ACAN: variants seen among roughly 807,000 people sequenced by gnomAD.
The protein encoded by ACAN is aggrecan core protein.
ACAN carries 47 observed loss-of-function variants against 169.1 expected under a neutral mutation model. The observed-to-expected ratio is 0.28, with a 90% CI of 0.22 to 0.35. The LOEUF (loss-of-function observed/expected upper bound fraction) is 0.35, where lower values mean the gene tolerates loss of function less well. Among genes scored for constraint, ACAN ranks in the 10% least tolerant of loss-of-function variants. The pLI is 1.00. For synonymous variants in ACAN, 1,115 were observed against 1,112.2 expected, an observed-to-expected ratio of 1.00 and a Z score of -0.05; for missense variants, 2,716 against 2,759.9, an observed-to-expected ratio of 0.98 and a Z score of 0.36.
chr15:88,837,094 C>T (rs1210020622), intron 2 of ACAN, among the ~76,000 whole-genome samples: 1 of 152,234 alleles, frequency 6.6e-6, no homozygotes, highest in East Asian at 1.9e-4. Flanking sequence ...CCAGGGCCTG[C>T]ATGGGTCCAT....
Position 88,870,172 on chromosome 15 carries a change from C to T in ACAN, c.7061-1210C>T, listed in dbSNP as rs1897348569. On this transcript the variant is annotated intron_variant, in intron 14 of 18. Transcript: ENST00000560601. The surrounding 1 kb of genome is among the most constrained non-coding windows in gnomAD (Gnocchi z 6.3). ...CTTCTCAAGCTGCTGACCCCCTGTT[C>T]TGCTCTCCCTCCACTGTCCCCAACT... is the stretch of plus-strand genomic sequence containing the variant. 6.6e-6 allele frequency among the ~76,000 whole-genome samples: 1 copy of T among 152,192 alleles called. No homozygotes were observed. The highest frequency in any genetic ancestry group is 1.5e-5 in the Non-Finnish European group (1 of 68,046).
At position 88,858,362 on chromosome 15, in the gene ACAN, G is replaced by T; in HGVS notation, c.5777G>T (p.Gly1926Val). The change falls in exon 12 of 19, where the codon GGA becomes GTA. Residue 1926 changes from glycine (G) to valine (V), a missense_variant. Physicochemically the swap from Gly to Val is moderately radical, Grantham distance 109 (BLOSUM62 -3). Around this residue, in one of 3 missense-constraint regions of ACAN, gnomAD observed 1,389 missense variants for 1,363.7 expected, o/e 1.02. Coordinates refer to ENST00000560601, the MANE Select transcript of ACAN (RefSeq NM_001369268.1). The surrounding 1 kb of genome is among the most constrained non-coding windows in gnomAD (Gnocchi z 4.0). ...SLPSGAYYGS[G>V]TPSSFPTVSL... ...CCCTCGGGAGCATATTATGGCAGTG[G>T]AACTCCATCTAGTTTCCCCACTGTC... 6.2e-7 allele frequency: 1 copy of T among 1,613,920 alleles called. No homozygotes were observed. Among genetic ancestry groups the T allele is most frequent in the Non-Finnish European group, 8.5e-7 (1 of 1,179,906 alleles).
At chr15:88,835,309 C>T (rs1896473909) in intron 1 of ACAN, among the ~76,000 whole-genome samples, 2 of 152,158 alleles carry the variant, frequency 1.3e-5, no homozygotes, top group African/African-American at 4.8e-5. Context: ...CATCACTTCT[C>T]TGGGCCTGAA....
chr15:88,874,029 GCATCACCC>G lies in ACAN; in HGVS notation c.7630+7_7630+14del. 6.2e-7 allele frequency: 1 copy of G among 1,608,938 alleles called. No homozygotes were observed. The highest frequency in any genetic ancestry group is 8.5e-7 in the Non-Finnish European group (1 of 1,179,726). On this transcript the variant is annotated splice_donor_region_variant and intron_variant, in intron 18 of 18. Coordinates refer to ENST00000560601, the MANE Select transcript of ACAN (RefSeq NM_001369268.1). This position sits in a 1 kb window ranked among gnomAD's most constrained non-coding sequence, Gnocchi z 7.3. ...CTCAGATCACCTGCACAGACCGTGAGCATCACCCCGGCCATCTCGCTGAGCACAGGGTT... is the reference window on the plus strand; with the variant it reads ...CTCAGATCACCTGCACAGACCGTGAGCGGCCATCTCGCTGAGCACAGGGTT...
In ACAN at chr15:88,839,152, C is replaced by A; in HGVS notation, c.454+106C>A. ...GCTGGCCTTCAAACCAGCTCCTCCA[C>A]GCACCTCAGCCAAGTTACTTAACTT... On this transcript the variant is annotated intron_variant, in intron 3 of 18. Coordinates refer to ENST00000560601, the MANE Select transcript of ACAN (RefSeq NM_001369268.1). The surrounding 1 kb of genome is among the most constrained non-coding windows in gnomAD (Gnocchi z 4.5). The A allele has an allele frequency of 7.0e-7, 1 of 1,425,182 alleles. No homozygotes were observed. The highest frequency in any genetic ancestry group is 9.5e-7 in the Non-Finnish European group (1 of 1,052,902). The allele number at this position is 1,425,182 out of a possible 1,614,324, so 88.3% of individuals were successfully genotyped here.
chr15:88,861,094 G>A lies in ACAN; in HGVS notation c.6946+655G>A, dbSNP rs879544525. ...TGATCTGAGGTGGACCCCGGAAGGA[G>A]ATGGTTAGAATCTACCTGTTGTTCC... is the stretch of plus-strand genomic sequence containing the variant. On this transcript the variant is annotated intron_variant, in intron 13 of 18. Transcript: ENST00000560601. This position sits in a 1 kb window ranked among gnomAD's most constrained non-coding sequence, Gnocchi z 6.3. Among the ~76,000 whole-genome samples the A allele has an allele frequency of 6.6e-5, 10 of 152,178 alleles. No homozygotes were observed. Among genetic ancestry groups the A allele is most frequent in the African/African-American group, 1.2e-4 (5 of 41,432 alleles).
rs1049047108 is a variant in ACAN at position 88,859,376 on chromosome 15, C to G, written c.6791C>G (p.Ala2264Gly). 2 of 1,575,530 alleles carry G rather than the reference C, an allele frequency of 1.3e-6. No homozygotes were observed. Among genetic ancestry groups the G allele is most frequent in the African/African-American group, 2.7e-5 (2 of 73,922 alleles). Residue 2264 changes from alanine to glycine, a missense_variant, in exon 12 of 19, where the codon GCT becomes GGT. Physicochemically the swap from Ala to Gly is moderately conservative, Grantham distance 60 (BLOSUM62 0). Coordinates refer to ENST00000560601, the MANE Select transcript of ACAN (RefSeq NM_001369268.1). The part of the protein sequence containing the change: ...ATSPTDASIP[A>G]SPEWKRESES... ...TCCCCAACAGATGCTTCCATCCCAG[C>G]TTCTCCGGAATGGAAACGTGAATCA... is the stretch of plus-strand genomic sequence containing the variant.
chr15:88,841,450 A>G (rs1896658759), intron 4 of ACAN, among the ~76,000 whole-genome samples: 1 of 152,162 alleles, frequency 6.6e-6, no homozygotes, highest in East Asian at 1.9e-4. Context: ...TGGTCACCAC[A>G]GAGACTATGC....
intron 13 of ACAN, among the ~76,000 whole-genome samples, chr15:88,867,051 A>G (rs1897291524): frequency 6.6e-6 from 1 of 152,220 alleles, no homozygotes; most frequent in East Asian, 1.9e-4. Context: ...TCATAATAGC[A>G]TTTATCATGT....
chr15:88,835,102 A>G (rs939586), intron 1 of ACAN, among the ~76,000 whole-genome samples: 104,606 of 152,070 alleles, frequency 0.69, 36,469 homozygotes, highest in African/African-American at 0.79. Context: ...CCTAGGTCTA[A>G]TTTCTCTCCT....
In ACAN at chr15:88,858,957, T is replaced by C. The variant is rs771965005; in HGVS notation, c.6372T>C (p.Ser2124=). The C allele has an allele frequency of 6.2e-7, 1 of 1,612,302 alleles. No homozygotes were observed. The highest frequency in any genetic ancestry group is 1.7e-5 in the Admixed American group (1 of 59,988). Residue 2124 remains serine (S), a synonymous_variant, in exon 12 of 19, where the codon TCT becomes TCC. Transcript: ENST00000560601. The surrounding 1 kb of genome is among the most constrained non-coding windows in gnomAD (Gnocchi z 4.0). ...CCCCTGAGGCCAGCAGAGAAGATTC[T>C]GGGTCCCCTGATCTGAGTGAAACCA... ...SAAPEASRED[S]GSPDLSETTS...
intron 12 of ACAN, among the ~76,000 whole-genome samples, chr15:88,859,927 G>A (rs940718098): frequency 2.0e-5 from 3 of 152,122 alleles, no homozygotes; most frequent in Admixed American, 1.3e-4. Context: ...AAGGAACTAT[G>A]AAGTGTCATT....
In ACAN at chr15:88,825,796, C is replaced by T. The variant is rs1896201723; in HGVS notation, c.-7-10404C>T. ...AAACCCCAGCCTGCTCCTTCCACTT[C>T]CTACTGTGCCCACCCCCACCTCCAG... On this transcript the variant is annotated intron_variant, in intron 1 of 18. Coordinates refer to ENST00000560601, the MANE Select transcript of ACAN (RefSeq NM_001369268.1). 3.9e-5 allele frequency among the ~76,000 whole-genome samples: 6 copies of T among 152,332 alleles called. No homozygotes were observed. In the South Asian group the frequency reaches 1.2e-3, roughly 32 times the overall value.
chr15:88,858,509 C>T lies in ACAN; in HGVS notation c.5924C>T (p.Ser1975Phe). 1 of 1,613,842 alleles carries T rather than the reference C, an allele frequency of 6.2e-7. No homozygotes were observed. The highest frequency in any genetic ancestry group is 8.5e-7 in the Non-Finnish European group (1 of 1,179,898). ...GCTCATTCTGGAGCACCAGACATGTCTGGGGAGCATTCTGGATTTCTGGAC... is the reference window on the plus strand; with the variant it reads ...GCTCATTCTGGAGCACCAGACATGTTTGGGGAGCATTCTGGATTTCTGGAC... ...SGAHSGAPDMSGEHSGFLDLS... is the reference protein window; with the variant it reads ...SGAHSGAPDMFGEHSGFLDLS... The change falls in exon 12 of 19, where the codon TCT (serine) becomes TTT (phenylalanine). Residue 1975 changes from serine to phenylalanine, a missense_variant. Physicochemically the swap from Ser to Phe is radical, Grantham distance 155. Around this residue, in one of 3 missense-constraint regions of ACAN, gnomAD observed 1,389 missense variants for 1,363.7 expected, o/e 1.02. Transcript: ENST00000560601. This position sits in a 1 kb window ranked among gnomAD's most constrained non-coding sequence, Gnocchi z 4.0.
In ACAN at chr15:88,841,713, C is replaced by G. The variant is rs762579528; in HGVS notation, c.630-27C>G. On this transcript the variant is annotated intron_variant, in intron 4 of 18. Transcript: ENST00000560601. Reference sequence around the variant, plus strand: ...GGGCTTCCCTTTGTCCCCTGAGTGTCACACCTCCATTTCGGGTTCCTGGCA... The same window carrying G: ...GGGCTTCCCTTTGTCCCCTGAGTGTGACACCTCCATTTCGGGTTCCTGGCA... 7.8e-5 allele frequency: 126 copies of G among 1,613,558 alleles called. 1 individual carries two copies. Among genetic ancestry groups the G allele is most frequent in the Non-Finnish European group, 1.0e-4 (120 of 1,179,718 alleles).
chr15:88,850,890 G>A (rs1896914920), intron 10 of ACAN: 1 of 151,298 alleles, frequency 6.6e-6, no homozygotes, highest in African/African-American at 2.4e-5. Flanking sequence ...GTTGCAGTGA[G>A]CCGAGATTAT....
At position 88,845,521 on chromosome 15, in the gene ACAN, C is replaced by T; in HGVS notation, c.1068C>T (p.Asp356=). 2 of 1,608,316 alleles carry T rather than the reference C, an allele frequency of 1.2e-6. No homozygotes were observed. Among genetic ancestry groups the T allele is most frequent in the Non-Finnish European group, 1.7e-6 (2 of 1,175,906 alleles). Residue 356 remains aspartate (D), a synonymous_variant, in exon 7 of 19, where the codon GAC becomes GAT. Transcript: ENST00000560601. Reference sequence around the variant, plus strand: ...CTCCCCTAGGTGAAGACTTTGTGGACATCCCAGAAAACTTCTTTGGAGTGG... The same window carrying T: ...CTCCCCTAGGTGAAGACTTTGTGGATATCCCAGAAAACTTCTTTGGAGTGG... ...AICYTGEDFV[D]IPENFFGVGG...
intron 13 of ACAN, among the ~76,000 whole-genome samples, chr15:88,862,316 G>A (rs1897211250): frequency 6.6e-6 from 1 of 152,178 alleles, no homozygotes; most frequent in South Asian, 2.1e-4. Context: ...GATTGAAGTG[G>A]TTCTGTGGCC....
In ACAN at chr15:88,858,065, C is replaced by T; in HGVS notation, c.5480C>T (p.Ser1827Phe). 1.2e-6 allele frequency: 2 copies of T among 1,613,930 alleles called. No individual in the cohort carries two copies. Among genetic ancestry groups the T allele is most frequent in the Non-Finnish European group, 1.7e-6 (2 of 1,179,880 alleles). Residue 1827 changes from serine to phenylalanine, a missense_variant, in exon 12 of 19, where the codon TCT (serine) becomes TTT (phenylalanine). Coordinates refer to ENST00000560601, the MANE Select transcript of ACAN (RefSeq NM_001369268.1). This position sits in a 1 kb window ranked among gnomAD's most constrained non-coding sequence, Gnocchi z 4.0. ...SGTTSGSGES[S>F]GITFVDTSLV... Reference sequence around the variant, plus strand: ...ACCACGAGTGGCAGCGGTGAATCTTCTGGGATTACATTTGTGGACACCAGT... The same window carrying T: ...ACCACGAGTGGCAGCGGTGAATCTTTTGGGATTACATTTGTGGACACCAGT...
Sources: allele counts gnomAD v4.1 joint callset (sites outside exome capture counted in the v4.1 genomes callset), GRCh38; gene constraint gnomAD v4.1.1; regional missense constraint gnomAD v4.1.1; non-coding constraint Gnocchi (gnomAD v3.1); transcripts MANE v1.5; gene names NCBI Gene and HGNC (gene_info 2026-07-23, HGNC 2026-07-21).